ARHGEF9: variants seen among roughly 807,000 people sequenced by gnomAD.
ARHGEF9 encodes rho guanine nucleotide exchange factor 9.
Under a neutral mutation model 41.3 loss-of-function variants are expected in ARHGEF9, and 2 were observed. That is an observed-to-expected ratio of 0.05 (90% CI 0.02 to 0.15). ARHGEF9 has a LOEUF of 0.15. Among genes scored for constraint, ARHGEF9 ranks in the 10% least tolerant of loss-of-function variants. The pLI is 1.00. For missense variants in ARHGEF9, 225 were observed against 424.7 expected (o/e 0.53, Z 4.13); for synonymous variants, 160 against 154.4 (o/e 1.04, Z -0.27).
rs1340728578 is a variant in ARHGEF9, at chrX:63,766,950, G to A, written c.30+18166C>T. The A allele has an allele frequency of 1.4e-5, 7 of 487,315 alleles. No individual in the cohort carries two copies. The Admixed American group carries it at 1.9e-4, about 13-fold the overall frequency. 40.2% of individuals were successfully genotyped at this position (487,315 alleles called of 1,213,427 possible). A position where few individuals can be genotyped will look rare whatever the true frequency, so the allele number is the denominator to read the frequency against. On this transcript the variant is annotated intron_variant, in intron 1 of 9. Coordinates refer to ENST00000671741, the MANE Select transcript of ARHGEF9 (RefSeq NM_001353921.2). ...AACTGCTCACAGAAAGAAGGAGGTG[G>A]TTCATAAAACAGCCACAGCAGATGA...
intron 4 of ARHGEF9, among the ~76,000 whole-genome samples, chrX:63,690,528 C>T (rs1556380355): frequency 1.8e-5 from 2 of 111,659 alleles, no homozygotes; most frequent in African/African-American, 3.2e-5. Flanking sequence ...AAGGACCTTA[C>T]GGTTTCACTG....
At chrX:63,775,727 T>A (rs2056282868) in intron 1 of ARHGEF9, among the ~76,000 whole-genome samples, 1 of 111,743 alleles carries the variant, frequency 8.9e-6, no homozygotes, top group African/African-American at 3.3e-5. Context: ...TTGAGTAATA[T>A]GCTTATTACC....
At chrX:63,776,481 C>G (rs1167970373) in intron 1 of ARHGEF9, among the ~76,000 whole-genome samples, 1 of 111,855 alleles carries the variant, frequency 8.9e-6, no homozygotes, top group Non-Finnish European at 1.9e-5. Flanking sequence ...CTTGTACCAC[C>G]AAACACTATT....
intron 6 of ARHGEF9, among the ~76,000 whole-genome samples, chrX:63,672,565 G>A (rs2050025205): frequency 9.0e-6 from 1 of 110,849 alleles, no homozygotes; most frequent in African/African-American, 3.3e-5. Flanking sequence ...GAAGCTCCCT[G>A]AGTAGGCCAG....
At chrX:63,781,523 G>T (rs144362682) in intron 1 of ARHGEF9, among the ~76,000 whole-genome samples, 2 of 111,564 alleles carry the variant, frequency 1.8e-5, no homozygotes, top group African/African-American at 6.5e-5. Context: ...CACTCTTAGC[G>T]ATCTGAGGGT....
chrX:63,759,927 T>C (rs1367667536), intron 1 of ARHGEF9, among the ~76,000 whole-genome samples: 6 of 111,509 alleles, frequency 5.4e-5, no homozygotes, highest in Non-Finnish European at 1.1e-4. Flanking sequence ...TTAAACACTA[T>C]TCTATATAAA....
chrX:63,642,479 T>C (rs2047699350), intron 9 of ARHGEF9: 1 of 111,276 alleles, frequency 9.0e-6, no homozygotes, highest in South Asian at 3.8e-4. Flanking sequence ...TCATTCCCTA[T>C]ATAAGGGGAA....
chrX:63,702,269 T>C, intron 3 of ARHGEF9, among the ~76,000 whole-genome samples: 1 of 112,533 alleles, frequency 8.9e-6, no homozygotes, highest in East Asian at 2.8e-4. Context: ...TAAAGCATCG[T>C]TAGCTCTGCT....
chrX:63,638,063 G>T lies in ARHGEF9; in HGVS notation c.1537C>A (p.Gln513Lys). 1 of 1,210,803 alleles carries T rather than the reference G, an allele frequency of 8.3e-7. No individual in the cohort carries two copies. Among genetic ancestry groups the T allele is most frequent in the Non-Finnish European group, 1.1e-6 (1 of 895,249 alleles). The change falls in exon 10 of 10, where the codon CAA becomes AAA. Residue 513 changes from glutamine (Q) to lysine (K), a missense_variant. Physicochemically the swap from Gln to Lys is moderately conservative, Grantham distance 53 (BLOSUM62 1). Coordinates refer to ENST00000671741, the MANE Select transcript of ARHGEF9 (RefSeq NM_001353921.2). ...AAGGGGGTTAACCTGCTGAAGTTTTGCCAGAATGGTGACTGGCTGCGCTTG... is the reference window on the plus strand; with the variant it reads ...AAGGGGGTTAACCTGCTGAAGTTTTTCCAGAATGGTGACTGGCTGCGCTTG... Reference protein sequence around the residue: ...EPKRSQSPFWQNFSRLTPFKK With the variant: ...EPKRSQSPFWKNFSRLTPFKK
intron 1 of ARHGEF9, among the ~76,000 whole-genome samples, chrX:63,757,141 A>T (rs181763857): frequency 7.9e-4 from 88 of 111,263 alleles, no homozygotes; most frequent in African/African-American, 2.8e-3. Context: ...ATGATTTCTG[A>T]GTTCTTCTGA....
intron 8 of ARHGEF9, among the ~76,000 whole-genome samples, chrX:63,648,389 C>G (rs1400935888): frequency 9.0e-6 from 1 of 111,166 alleles, no homozygotes; most frequent in African/African-American, 3.3e-5. Flanking sequence ...CCTTTACAGA[C>G]AAGCAAATGC....
At chrX:63,696,989 G>T (rs1296874803) in intron 4 of ARHGEF9, 136 bp downstream of exon 4, 1 of 644,841 alleles carries the variant, frequency 1.6e-6, no homozygotes, top group Non-Finnish European at 2.3e-6. Flanking sequence ...GAGACCAGGG[G>T]TCAAAATGAA....
intron 5 of ARHGEF9, 24 bp downstream of exon 5, chrX:63,678,316 C>A: frequency 2.6e-6 from 3 of 1,150,389 alleles, no homozygotes; most frequent in Non-Finnish European, 2.4e-6. Flanking sequence ...CCCTCATTCA[C>A]TCCTGACTCC....
At chrX:63,660,976 T>A (rs1218799705) in intron 7 of ARHGEF9, among the ~76,000 whole-genome samples, 67 of 111,935 alleles carry the variant, frequency 6.0e-4, no homozygotes, top group African/African-American at 2.1e-3. Flanking sequence ...CTACCTCAGG[T>A]GGTTCTCTCC....
intron 3 of ARHGEF9, among the ~76,000 whole-genome samples, chrX:63,698,795 A>T (rs1309831063): frequency 4.5e-5 from 5 of 112,122 alleles, no homozygotes; most frequent in Non-Finnish European, 9.4e-5. Context: ...GCAAATTAAT[A>T]GTCTATGCCT....
intron 8 of ARHGEF9, among the ~76,000 whole-genome samples, chrX:63,651,294 A>G (rs1303626443): frequency 9.0e-6 from 1 of 111,528 alleles, no homozygotes; most frequent in Non-Finnish European, 1.9e-5. Flanking sequence ...ATAAGAGTGA[A>G]TAAGAATTGA....
rs1175422918 is a variant in ARHGEF9 at position 63,647,693 on chromosome X, T to C, written c.1322-3645A>G. ...TCAGGGATATTGGTCTAAAATTCTC[T>C]TTTTTTGTGGTGTCTCTGCCAGGCT... is the stretch of plus-strand genomic sequence containing the variant. On this transcript the variant is annotated intron_variant, in intron 8 of 9. Transcript: ENST00000671741. 2.7e-5 allele frequency among the ~76,000 whole-genome samples: 3 copies of C among 111,280 alleles called. No individual in the cohort carries two copies. The Admixed American group carries it at 2.9e-4, about 11-fold the overall frequency.
chrX:63,654,069 T>C (rs1170767284), intron 8 of ARHGEF9, among the ~76,000 whole-genome samples: 1 of 108,558 alleles, frequency 9.2e-6, no homozygotes, highest in Non-Finnish European at 1.9e-5. Flanking sequence ...TTACTGAGTA[T>C]GTTCATGTGT....
chrX:63,752,081 A>T (rs1175004169), intron 1 of ARHGEF9, among the ~76,000 whole-genome samples: 1 of 111,303 alleles, frequency 9.0e-6, no homozygotes, highest in African/African-American at 3.3e-5. Flanking sequence ...GGCAAAAAAA[A>T]CCCCTTCGCT....
Sources: gnomAD v4.1 joint callset for allele counts (sites outside exome capture counted in the v4.1 genomes callset) on GRCh38, gnomAD v4.1.1 for gene constraint, MANE v1.5 for transcripts, NCBI Gene and HGNC (gene_info 2026-07-23, HGNC 2026-07-21) for gene names.